RBM6: variants seen among roughly 807,000 people sequenced by gnomAD.
RBM6 encodes the protein RNA binding motif protein 6, also known as RNA-binding protein 6.
In RBM6, 23 loss-of-function variants were observed where a neutral mutation model predicts 140.4. That is an observed-to-expected ratio of 0.16 (90% CI 0.12 to 0.23). The LOEUF (loss-of-function observed/expected upper bound fraction) is 0.23, where lower values mean the gene tolerates loss of function less well. Ranked by LOEUF, RBM6 falls within the 10% of genes least tolerant of loss-of-function variation. The probability of loss-of-function intolerance (pLI) is 1.00; values close to 1 mark genes in which losing one functional copy is unlikely to be tolerated. For missense variants in RBM6, 1,139 were observed against 1,386.7 expected (o/e 0.82, Z 2.84); for synonymous variants, 439 against 475.6 (o/e 0.92, Z 1.00).
intron 5 of RBM6, among the ~76,000 whole-genome samples, chr3:49,979,505 C>T (rs1401432756): frequency 2.7e-5 from 4 of 146,112 alleles, no homozygotes; most frequent in Non-Finnish European, 6.0e-5. Flanking sequence ...AGTGGCATGA[C>T]CTCGGCTCAC....
chr3:49,957,226 G>A (rs988726928), intron 1 of RBM6, among the ~76,000 whole-genome samples: 17 of 151,926 alleles, frequency 1.1e-4, no homozygotes, highest in African/African-American at 3.6e-4. Context: ...TCAAGCAATC[G>A]GCTTCCTGAA....
intron 1 of RBM6, among the ~76,000 whole-genome samples, chr3:49,949,806 C>T (rs1021530961): frequency 4.6e-5 from 7 of 152,150 alleles, no homozygotes; most frequent in South Asian, 2.1e-4. Context: ...CACGCCCAGC[C>T]TTTTTATTTT....
intron 15 of RBM6, 151 bp downstream of exon 15, chr3:50,062,259 C>G (rs564803932): frequency 1.1e-6 from 1 of 882,084 alleles, no homozygotes; most frequent in Non-Finnish European, 1.6e-6. Context: ...AATCCCAGCA[C>G]TTTGGGAGGC....
At chr3:50,067,634 G>A (rs1213364315) in intron 17 of RBM6, among the ~76,000 whole-genome samples, 1 of 152,178 alleles carries the variant, frequency 6.6e-6, no homozygotes, top group Non-Finnish European at 1.5e-5. Flanking sequence ...TACTTGGGAT[G>A]TTAAACCGAC....
At chr3:50,018,451 T>G (rs2087286393) in intron 6 of RBM6, among the ~76,000 whole-genome samples, 1 of 152,174 alleles carries the variant, frequency 6.6e-6, no homozygotes, top group South Asian at 2.1e-4. Flanking sequence ...TTTTGGTTGC[T>G]TCCATGTTTT....
intron 6 of RBM6, among the ~76,000 whole-genome samples, chr3:50,037,819 CTT>C (rs11328228): frequency 8.6e-4 from 109 of 127,466 alleles, no homozygotes; most frequent in South Asian, 3.1e-3. Context: ...CTTTTCTTTC[CTT>C]TTTTTTTTTT....
At chr3:50,034,901 C>T (rs1387530139) in intron 6 of RBM6, among the ~76,000 whole-genome samples, 1 of 151,868 alleles carries the variant, frequency 6.6e-6, no homozygotes, top group East Asian at 1.9e-4. Context: ...GGCTCAGCTT[C>T]TTTGTCCCTT....
chr3:49,984,633 ATCGCATCGCATCGCATCG>A lies in RBM6; in HGVS notation c.1483+9242_1483+9259del, dbSNP rs1267672610. On this transcript the variant is annotated intron_variant, in intron 5 of 20. Transcript: ENST00000266022. ...ATCACATCGCATCGCATCGCATCGC[ATCGCATCGCATCGCATCG>A]CATCGCATCGCATTGCATCACATCA... Among the ~76,000 whole-genome samples, 441 of 53,934 alleles carry A rather than the reference ATCGCATCGCATCGCATCG, an allele frequency of 8.2e-3. 3 individuals are homozygous for A. The highest frequency in any genetic ancestry group is 7.8e-4 in the Non-Finnish European group (13 of 16,648). 35.4% of individuals were successfully genotyped at this position (53,934 alleles called of 152,430 possible).
intron 7 of RBM6, among the ~76,000 whole-genome samples, chr3:50,051,417 G>A (rs915827708): frequency 1.6e-4 from 24 of 152,102 alleles, no homozygotes; most frequent in Non-Finnish European, 2.8e-4. Context: ...CGAGGCAGGC[G>A]GATCATCTGA....
intron 6 of RBM6, among the ~76,000 whole-genome samples, chr3:50,022,898 A>C (rs2087582508): frequency 6.6e-6 from 1 of 152,058 alleles, no homozygotes; most frequent in Non-Finnish European, 1.5e-5. Flanking sequence ...CAGGAGTTCA[A>C]GACCAGCCTG....
At position 50,061,142 on chromosome 3, in the gene RBM6, T is replaced by C; in HGVS notation, c.2274T>C (p.Gly758=). 6.2e-7 allele frequency: 1 copy of C among 1,614,114 alleles called. No homozygotes were observed. Among genetic ancestry groups the C allele is most frequent in the South Asian group, 1.1e-5 (1 of 91,072 alleles). The change falls in exon 13 of 21, where the codon GGT becomes GGC. Residue 758 remains glycine (G), a splice_region_variant and synonymous_variant. Transcript: ENST00000266022. ...DHSDHMHYYQ[G]KKYFRDRRGG... is the part of the protein sequence containing the mutation. ...TTTAACTTGCCTTTCTGTGATAGGG[T>C]AAAAAATATTTCCGAGATAGGAGGG... is the stretch of plus-strand genomic sequence containing the variant.
At chr3:49,982,266 T>C (rs1393257483) in intron 5 of RBM6, among the ~76,000 whole-genome samples, 6 of 126,536 alleles carry the variant, frequency 4.7e-5, no homozygotes, top group Admixed American at 3.7e-4. Context: ...TCTTTTCTTT[T>C]TTTTTTTTTT....
chr3:49,949,012 G>A (rs1202571955), intron 1 of RBM6, among the ~76,000 whole-genome samples: 1 of 149,726 alleles, frequency 6.7e-6, no homozygotes, highest in Non-Finnish European at 1.5e-5. Context: ...TGTATTTTTA[G>A]TAGAGATGGA....
intron 6 of RBM6, among the ~76,000 whole-genome samples, chr3:50,019,041 ATT>A (rs879431783): frequency 7.0e-6 from 1 of 143,122 alleles, no homozygotes; most frequent in Non-Finnish European, 1.5e-5. Context: ...TTATTTATTT[ATT>A]TTTTTTTTTT....
rs572534569 is a variant in RBM6 at position 49,959,138 on chromosome 3, A to G, written c.-66-3438A>G. ...TTTCTTACAAGGTCTGTATAGTGGTAATGAGCCTCCCTCAGCTTTTGTTTA... is the reference window on the plus strand; with the variant it reads ...TTTCTTACAAGGTCTGTATAGTGGTGATGAGCCTCCCTCAGCTTTTGTTTA... On this transcript the variant is annotated intron_variant, in intron 1 of 20. Transcript: ENST00000266022. Among the ~76,000 whole-genome samples the G allele has an allele frequency of 4.0e-5, 6 of 150,950 alleles. No homozygotes were observed. In the East Asian group the frequency reaches 9.8e-4, roughly 25 times the overall value.
At chr3:50,008,789 G>A (rs2086703614) in intron 6 of RBM6, among the ~76,000 whole-genome samples, 1 of 152,058 alleles carries the variant, frequency 6.6e-6, no homozygotes, top group Non-Finnish European at 1.5e-5. Flanking sequence ...GACCTCAGGT[G>A]ATCCACCCAC....
At chr3:50,066,831 A>AAAAGCAAAAC (rs112585167) in intron 17 of RBM6, among the ~76,000 whole-genome samples, 1 of 149,594 alleles carries the variant, frequency 6.7e-6, no homozygotes, top group Non-Finnish European at 1.5e-5. Flanking sequence ...CCATCTCTTA[A>AAAAGCAAAAC]AAAACAAAAC....
At chr3:50,001,566 T>C (rs2086328804) in intron 6 of RBM6, among the ~76,000 whole-genome samples, 2 of 152,186 alleles carry the variant, frequency 1.3e-5, no homozygotes, top group South Asian at 4.1e-4. Context: ...TGTATGCAAA[T>C]ACCATGTGAT....
chr3:50,058,034 T>G (rs1218379595), intron 9 of RBM6, 31 bp downstream of exon 9: 1 of 1,603,432 alleles, frequency 6.2e-7, no homozygotes, highest in Admixed American at 1.7e-5. Context: ...CATACCAGAC[T>G]GTGATCATCA....
Sources: gnomAD v4.1 joint callset for allele counts (sites outside exome capture counted in the v4.1 genomes callset) on GRCh38, gnomAD v4.1.1 for gene constraint, MANE v1.5 for transcripts, NCBI Gene and HGNC (gene_info 2026-07-23, HGNC 2026-07-21) for gene names.